Variants in CCNY observed in about 807,000 individuals in gnomAD.
The protein encoded by CCNY is cyclin Y.
CCNY carries 19 observed loss-of-function variants against 42.8 expected under a neutral mutation model. The observed-to-expected ratio is 0.44, with a 90% CI of 0.31 to 0.65. The LOEUF is 0.65. Ranked by LOEUF, CCNY falls within the 30% of genes least tolerant of loss-of-function variation. CCNY has a pLI of 0.07. For synonymous variants in CCNY, 165 were observed against 162.7 expected (o/e 1.01, Z -0.11); for missense variants, 370 against 437.3 (o/e 0.85, Z 1.37).
chr10:35,326,158 T>G (rs1835878131), intron 3 of CCNY, among the ~76,000 whole-genome samples: 1 of 151,642 alleles, frequency 6.6e-6, no homozygotes, highest in South Asian at 2.1e-4. Flanking sequence ...AGTTTTTTGT[T>G]TTTTTTTTGA....
chr10:35,379,969 A>G (rs1305740342), intron 1 of CCNY, among the ~76,000 whole-genome samples: 1 of 152,204 alleles, frequency 6.6e-6, no homozygotes, highest in Non-Finnish European at 1.5e-5. Flanking sequence ...CATATGAAGC[A>G]TTCCACTCAG....
chr10:35,248,980 C>T (rs766053962), intron 2 of CCNY, among the ~76,000 whole-genome samples: 1 of 152,198 alleles, frequency 6.6e-6, no homozygotes, highest in Non-Finnish European at 1.5e-5. Flanking sequence ...TAGGGTCTCA[C>T]TCTGTTGCCC....
In CCNY at chr10:35,531,990, G is replaced by T. The variant is rs536382561; in HGVS notation, c.579+1747G>T. 3.3e-5 allele frequency among the ~76,000 whole-genome samples: 5 copies of T among 152,316 alleles called. No individual in the cohort carries two copies. In the South Asian group the frequency reaches 1.0e-3, roughly 32 times the overall value. On this transcript the variant is annotated intron_variant, in intron 7 of 9. Transcript: ENST00000374704. ...ACTGGCACTTTTCTTGTGAATAATT[G>T]TAACTATTGAAATCTTCATTTGTCC... is the stretch of plus-strand genomic sequence containing the variant.
Position 35,269,427 on chromosome 10 carries a change from C to T in CCNY, c.-9+18801C>T, listed in dbSNP as rs574763080. Among the ~76,000 whole-genome samples the T allele has an allele frequency of 2.0e-5, 3 of 151,722 alleles. No individual in the cohort carries two copies. In the East Asian group the frequency reaches 5.8e-4, roughly 29 times the overall value. ...CACCTCCTGGGTTCAAGCGATTCTC[C>T]TGCCTCACCCTTCCTAGTAGCCGGG... On this transcript the variant is annotated intron_variant, in intron 3 of 11. Transcript: ENST00000374706.
chr10:35,430,523 A>C (rs1838367818), intron 1 of CCNY, among the ~76,000 whole-genome samples: 2 of 152,142 alleles, frequency 1.3e-5, no homozygotes, highest in South Asian at 4.1e-4. Flanking sequence ...TGGATAAATT[A>C]GGAGGTACCA....
At chr10:35,344,303 C>T (rs1039637449) in intron 1 of CCNY, among the ~76,000 whole-genome samples, 1 of 152,210 alleles carries the variant, frequency 6.6e-6, no homozygotes, top group African/African-American at 2.4e-5. Flanking sequence ...AATGGGAAGA[C>T]CCGCATTCCA....
At chr10:35,491,848 C>G (rs1839904439) in intron 2 of CCNY, among the ~76,000 whole-genome samples, 2 of 126,904 alleles carry the variant, frequency 1.6e-5, no homozygotes, top group Non-Finnish European at 3.3e-5. Flanking sequence ...CTCCTGACCT[C>G]GTGATCCCAC....
chr10:35,254,986 T>C (rs61449529), intron 3 of CCNY, among the ~76,000 whole-genome samples: 55,427 of 152,010 alleles, frequency 0.36, 10,529 homozygotes, highest in African/African-American at 0.47. Flanking sequence ...AACAATCGAC[T>C]GTTGGGTTGT....
chr10:35,346,956 A>ATTGTT (rs1000991107), intron 1 of CCNY, among the ~76,000 whole-genome samples: 5 of 152,060 alleles, frequency 3.3e-5, no homozygotes, highest in African/African-American at 9.7e-5. Context: ...CTTTTTTGTT[A>ATTGTT]TTGTTTTGTT....
chr10:35,341,730 T>C (rs997324845), intron 1 of CCNY, among the ~76,000 whole-genome samples: 1 of 152,156 alleles, frequency 6.6e-6, no homozygotes, highest in South Asian at 2.1e-4. Context: ...TGTGAAACTT[T>C]TTGGCTTTGT....
At chr10:35,335,279 C>G (rs769447005), upstream of CCNY, among the ~76,000 whole-genome samples, 2 of 152,164 alleles carry the variant, frequency 1.3e-5, no homozygotes, top group African/African-American at 2.4e-5. Flanking sequence ...TCTTAGTCAA[C>G]TGGCCTAAGT....
chr10:35,415,072 G>C (rs1837996632), intron 1 of CCNY, among the ~76,000 whole-genome samples: 1 of 152,054 alleles, frequency 6.6e-6, no homozygotes, highest in Non-Finnish European at 1.5e-5. Context: ...TTTAGGGGAA[G>C]ATCAGTAGTT....
chr10:35,304,989 G>A (rs1006899402), intron 3 of CCNY, among the ~76,000 whole-genome samples: 2 of 152,190 alleles, frequency 1.3e-5, no homozygotes, highest in Non-Finnish European at 2.9e-5. Context: ...CAGTATTTAG[G>A]AGCCTAATAT....
intron 1 of CCNY, 28 bp downstream of exon 1, chr10:35,337,235 C>T (rs1836061403): frequency 6.8e-7 from 1 of 1,478,176 alleles, no homozygotes; most frequent in Non-Finnish European, 9.0e-7. Context: ...AGCCCCCTAC[C>T]CGCCCCCGCG....
intron 3 of CCNY, among the ~76,000 whole-genome samples, chr10:35,279,595 A>C (rs1835276859): frequency 6.6e-6 from 1 of 152,206 alleles, no homozygotes; most frequent in Admixed American, 6.5e-5. Context: ...TCTTCTCTTC[A>C]TGATAAGAAG....
chr10:35,387,278 G>A (rs1221071378), intron 1 of CCNY, among the ~76,000 whole-genome samples: 1 of 152,200 alleles, frequency 6.6e-6, no homozygotes, highest in Non-Finnish European at 1.5e-5. Context: ...AGGATGCTGA[G>A]TTCCTTCCCC....
chr10:35,319,412 G>C (rs1022618889), intron 3 of CCNY, among the ~76,000 whole-genome samples: 17 of 151,882 alleles, frequency 1.1e-4, no homozygotes, highest in African/African-American at 3.6e-4. Context: ...CAAACAATAA[G>C]AGCAAGCAGG....
chr10:35,396,648 AGAC>A (rs1837533609), intron 1 of CCNY, among the ~76,000 whole-genome samples: 1 of 152,224 alleles, frequency 6.6e-6, no homozygotes, highest in Admixed American at 6.5e-5. Context: ...GAGGAGGTCC[AGAC>A]AGTTTCACCT....
intron 2 of CCNY, among the ~76,000 whole-genome samples, chr10:35,489,084 C>T (rs1839845668): frequency 6.6e-6 from 1 of 152,132 alleles, no homozygotes; most frequent in Non-Finnish European, 1.5e-5. Context: ...TCGAGACCAT[C>T]CTGGCTAACA....
Sources: gnomAD v4.1 joint callset for allele counts (sites outside exome capture counted in the v4.1 genomes callset) on GRCh38, gnomAD v4.1.1 for gene constraint, MANE v1.5 for transcripts, NCBI Gene and HGNC (gene_info 2026-07-23, HGNC 2026-07-21) for gene names.